The following COL5A2 variants were observed in gnomAD, a reference collection of about 807,000 sequenced individuals.
The protein encoded by COL5A2 is collagen alpha-2(V) chain.
COL5A2 carries 23 observed loss-of-function variants against 208.2 expected under a neutral mutation model. That is an observed-to-expected ratio of 0.11 (90% CI 0.08 to 0.16). The LOEUF (loss-of-function observed/expected upper bound fraction) is 0.16, where lower values mean the gene tolerates loss of function less well. COL5A2 is among the 10% of genes least tolerant of loss of function. COL5A2 has a pLI of 1.00. For synonymous variants in COL5A2, 625 were observed against 628.5 expected, an observed-to-expected ratio of 0.99 and a Z score of 0.08; for missense variants, 1,590 against 1,956.4, an observed-to-expected ratio of 0.81 and a Z score of 3.53.
intron 53 of COL5A2, among the ~76,000 whole-genome samples, chr2:189,034,596 G>A (rs1388967391): frequency 6.6e-6 from 1 of 152,076 alleles, no homozygotes; most frequent in Non-Finnish European, 1.5e-5. Context: ...GATTAATTAC[G>A]CATTTTAGAA....
At chr2:189,338,223 C>T in the COL5A2 span, among the ~76,000 whole-genome samples, 6 of 152,146 alleles carry the variant, frequency 3.9e-5, no homozygotes, top group African/African-American at 1.4e-4. Context: ...AAACTGCCTC[C>T]AGATCCCTGG....
intron 1 of COL5A2, among the ~76,000 whole-genome samples, chr2:189,172,637 C>T (rs892113859): frequency 6.6e-6 from 1 of 152,126 alleles, no homozygotes; most frequent in South Asian, 2.1e-4. Context: ...CAGCTGTTCT[C>T]TCACATGATG....
At chr2:189,073,591 AT>A (rs1236367192) in intron 17 of COL5A2, among the ~76,000 whole-genome samples, 1 of 152,110 alleles carries the variant, frequency 6.6e-6, no homozygotes, top group African/African-American at 2.4e-5. Flanking sequence ...AGAACCACTA[AT>A]TTCATGATGA....
At chr2:189,292,556 G>A in the COL5A2 span, among the ~76,000 whole-genome samples, 7 of 152,160 alleles carry the variant, frequency 4.6e-5, no homozygotes, top group Non-Finnish European at 8.8e-5. Flanking sequence ...ACAATGAGAT[G>A]CCATCTCACA....
chr2:189,373,371 G>A, the COL5A2 span, among the ~76,000 whole-genome samples: 3 of 152,048 alleles, frequency 2.0e-5, no homozygotes, highest in Admixed American at 2.0e-4. Flanking sequence ...AATTTTTAGA[G>A]TTACAAAATT....
intron 1 of COL5A2, among the ~76,000 whole-genome samples, chr2:189,146,203 G>A (rs1688036837): frequency 6.6e-6 from 1 of 152,032 alleles, no homozygotes; most frequent in Non-Finnish European, 1.5e-5. Flanking sequence ...AAAGTTCAGT[G>A]GGAAGTGAAT....
At chr2:189,400,156 A>G in the COL5A2 span, among the ~76,000 whole-genome samples, 10 of 151,994 alleles carry the variant, frequency 6.6e-5, no homozygotes, top group African/African-American at 9.7e-5. Flanking sequence ...ATTTGCCTAC[A>G]TATGTTTTTC....
intron 1 of COL5A2, among the ~76,000 whole-genome samples, chr2:189,212,366 G>A (rs76459935): frequency 0.033 from 4,962 of 152,182 alleles, 89 homozygotes; most frequent in Admixed American, 0.047. Context: ...TGCTGGGCGC[G>A]GTGGCTCATG....
intron 1 of COL5A2, among the ~76,000 whole-genome samples, chr2:189,218,462 G>T (rs189745230): frequency 6.6e-6 from 1 of 152,214 alleles, no homozygotes; most frequent in Non-Finnish European, 1.5e-5. Context: ...GGCAAAGAAC[G>T]ATTTTCCCCC....
At chr2:189,418,257 C>T in the COL5A2 span, among the ~76,000 whole-genome samples, 5 of 152,140 alleles carry the variant, frequency 3.3e-5, no homozygotes, top group South Asian at 2.1e-4. Flanking sequence ...ACTGTCATTT[C>T]CTGAAACTTT....
At chr2:189,289,152 G>C in the COL5A2 span, among the ~76,000 whole-genome samples, 19 of 152,132 alleles carry the variant, frequency 1.2e-4, 1 homozygote, top group Middle Eastern at 6.8e-3. Context: ...AACCAGCCTG[G>C]CCAACATGGT....
At chr2:189,352,115 G>C in the COL5A2 span, among the ~76,000 whole-genome samples, 2 of 152,064 alleles carry the variant, frequency 1.3e-5, no homozygotes, top group Non-Finnish European at 2.9e-5. Flanking sequence ...CCATTTCCCT[G>C]CAAAGGACAT....
At chr2:189,107,162 A>T (rs1470048223) in intron 2 of COL5A2, among the ~76,000 whole-genome samples, 1 of 151,468 alleles carries the variant, frequency 6.6e-6, no homozygotes, top group East Asian at 1.9e-4. Flanking sequence ...TCTTTTTAAG[A>T]CCTTTTAGTT....
the COL5A2 span, among the ~76,000 whole-genome samples, chr2:189,237,437 T>C: frequency 6.6e-6 from 1 of 151,132 alleles, no homozygotes; most frequent in African/African-American, 2.4e-5. Context: ...AGCAAATGAA[T>C]ATAGTAGTCA....
the COL5A2 span, among the ~76,000 whole-genome samples, chr2:189,297,199 T>A: frequency 6.6e-6 from 1 of 150,784 alleles, no homozygotes; most frequent in African/African-American, 2.5e-5. Flanking sequence ...ATCAATAGGA[T>A]AATTAATTCA....
chr2:189,206,204 G>A (rs1471896335), intron 1 of COL5A2, among the ~76,000 whole-genome samples: 2 of 152,146 alleles, frequency 1.3e-5, no homozygotes, highest in Non-Finnish European at 2.9e-5. Flanking sequence ...AGGGCAGTGA[G>A]TTACCATAAT....
the COL5A2 span, among the ~76,000 whole-genome samples, chr2:189,410,577 G>A: frequency 6.6e-6 from 1 of 151,612 alleles, no homozygotes; most frequent in African/African-American, 2.4e-5. Context: ...TAAAAAAAAA[G>A]ACCAAATAAT....
At chr2:189,240,920 T>C in the COL5A2 span, among the ~76,000 whole-genome samples, 2 of 152,182 alleles carry the variant, frequency 1.3e-5, no homozygotes, top group African/African-American at 4.8e-5. Flanking sequence ...ACTGCAAGAA[T>C]AGAACCATAT....
chr2:189,142,599 C>T (rs1424565848), intron 1 of COL5A2, among the ~76,000 whole-genome samples: 1 of 152,078 alleles, frequency 6.6e-6, no homozygotes, highest in Admixed American at 6.6e-5. Flanking sequence ...ATAAGGTCAA[C>T]CAAAAAATTC....
Sources: allele counts gnomAD v4.1 joint callset (sites outside exome capture counted in the v4.1 genomes callset), GRCh38; gene constraint gnomAD v4.1.1; transcripts MANE v1.5; gene names NCBI Gene and HGNC (gene_info 2026-07-23, HGNC 2026-07-21).